PTPRG: variants seen among roughly 807,000 people sequenced by gnomAD.
PTPRG encodes the protein protein tyrosine phosphatase receptor type G, also known as receptor-type tyrosine-protein phosphatase gamma.
PTPRG carries 102 observed loss-of-function variants against 165.3 expected under a neutral mutation model. The observed-to-expected ratio is 0.62, with a 90% CI of 0.53 to 0.73. PTPRG has a LOEUF of 0.73. Among genes scored for constraint, PTPRG ranks in the 30% least tolerant of loss-of-function variants. PTPRG has a pLI of 0.00. For missense variants in PTPRG, 1,866 were observed against 1,861.4 expected (o/e 1.00, Z -0.05); for synonymous variants, 675 against 669.5 (o/e 1.01, Z -0.13).
At chr3:62,003,555 A>G in intron 4 of PTPRG, 58 bp downstream of exon 4, 1 of 1,593,712 alleles carries the variant, frequency 6.3e-7, no homozygotes, top group Non-Finnish European at 8.6e-7. Flanking sequence ...TGTTAATCAG[A>G]TGCTGTGCCC....
At chr3:61,676,288 T>C (rs1703213430) in intron 1 of PTPRG, among the ~76,000 whole-genome samples, 1 of 150,654 alleles carries the variant, frequency 6.6e-6, no homozygotes, top group Non-Finnish European at 1.5e-5. Flanking sequence ...AAACCCCGTC[T>C]CTACTAAAAA....
At chr3:61,633,214 T>G (rs1282390136) in intron 1 of PTPRG, among the ~76,000 whole-genome samples, 1 of 152,210 alleles carries the variant, frequency 6.6e-6, no homozygotes, top group Non-Finnish European at 1.5e-5. Flanking sequence ...TGTCTTGTAT[T>G]CCCAACTGGA....
At chr3:61,879,858 TC>T (rs2037837543) in intron 2 of PTPRG, among the ~76,000 whole-genome samples, 1 of 152,338 alleles carries the variant, frequency 6.6e-6, no homozygotes, top group Admixed American at 6.5e-5. Context: ...CTAGCTCAGC[TC>T]CGTATGGTGC....
chr3:61,801,741 C>G (rs2035250444), intron 2 of PTPRG, among the ~76,000 whole-genome samples: 1 of 152,162 alleles, frequency 6.6e-6, no homozygotes, highest in Non-Finnish European at 1.5e-5. Flanking sequence ...TTATGGTGGG[C>G]TGTTCACTGT....
Position 61,843,824 on chromosome 3 carries a change from T to TA in PTPRG, c.190+94853dup, listed in dbSNP as rs555463428. Among the ~76,000 whole-genome samples the TA allele has an allele frequency of 5.7e-3, 817 of 144,348 alleles. 7 individuals carry two copies. Among genetic ancestry groups the TA allele is most frequent in the Middle Eastern group, 0.014 (4 of 286 alleles). 94.7% of individuals were successfully genotyped at this position (144,348 alleles called of 152,430 possible). A position where few individuals can be genotyped will look rare whatever the true frequency, so the allele number is the denominator to read the frequency against. On this transcript the variant is annotated intron_variant, in intron 2 of 29. Coordinates refer to ENST00000474889, the MANE Select transcript of PTPRG (RefSeq NM_002841.4). ...AATCTCTTAAAACTGGACATTTCTT[T>TA]AAAAAAAAAAACAAAAAACCCAGTT...
chr3:62,273,831 A>C lies in PTPRG; in HGVS notation c.3452A>C (p.Glu1151Ala). 3 of 1,613,710 alleles carry C rather than the reference A, an allele frequency of 1.9e-6. No individual in the cohort carries two copies. The highest frequency in any genetic ancestry group is 2.5e-6 in the Non-Finnish European group (3 of 1,179,734). The part of the protein sequence containing the change: ...IPGVGGKTRL[E>A]KQFKLVTQCN... ...GGAGTAGGAGGAAAGACACGACTGGAAAAGCAATTCAAGGTAGTGCTTTGA... is the reference window on the plus strand; with the variant it reads ...GGAGTAGGAGGAAAGACACGACTGGCAAAGCAATTCAAGGTAGTGCTTTGA... The change falls in exon 23 of 30, where the codon GAA becomes GCA. Residue 1151 changes from glutamate (E) to alanine (A), a missense_variant. Physicochemically the swap from Glu to Ala is moderately radical, Grantham distance 107. Transcript: ENST00000474889. This position sits in a 1 kb window ranked among gnomAD's most constrained non-coding sequence, Gnocchi z 4.1.
At chr3:61,731,678 T>C (rs975182358) in intron 1 of PTPRG, among the ~76,000 whole-genome samples, 1 of 152,114 alleles carries the variant, frequency 6.6e-6, no homozygotes, top group African/African-American at 2.4e-5. Flanking sequence ...TATGCAGGGC[T>C]TTAAAGCCAC....
intron 2 of PTPRG, among the ~76,000 whole-genome samples, chr3:61,980,372 C>T (rs2040612138): frequency 6.6e-6 from 1 of 152,150 alleles, no homozygotes; most frequent in African/African-American, 2.4e-5. Flanking sequence ...GCTGTGTTAA[C>T]AGTAAAAATT....
chr3:61,983,678 G>A (rs1341523784), intron 2 of PTPRG, among the ~76,000 whole-genome samples: 3 of 152,074 alleles, frequency 2.0e-5, no homozygotes, highest in African/African-American at 7.2e-5. Flanking sequence ...ATAGGTATGT[G>A]AAATTCCTTG....
In PTPRG at chr3:62,267,783, C is replaced by T. The variant is rs767985325; in HGVS notation, c.2838C>T (p.Ile946=). 6.2e-7 allele frequency: 1 copy of T among 1,613,386 alleles called. No individual in the cohort carries two copies. Among genetic ancestry groups the T allele is most frequent in the Non-Finnish European group, 8.5e-7 (1 of 1,179,530 alleles). Reference sequence around the variant, plus strand: ...TGATTTGGGAACAAAACACTGGAATCATTGTGATGATTACGAACCTTGTGG... The same window carrying T: ...TGATTTGGGAACAAAACACTGGAATTATTGTGATGATTACGAACCTTGTGG... The part of the protein sequence containing the change: ...WRMIWEQNTG[I]IVMITNLVEK... Residue 946 remains isoleucine, a synonymous_variant, in exon 19 of 30, where the codon ATC becomes ATT. Coordinates refer to ENST00000474889, the MANE Select transcript of PTPRG (RefSeq NM_002841.4).
Position 61,743,114 on chromosome 3 carries a change from C to T in PTPRG, c.86-5764C>T, listed in dbSNP as rs113151706. 4.0e-3 allele frequency: 5,645 copies of T among 1,399,856 alleles called. 127 individuals carry two copies. In the African/African-American group the frequency reaches 0.054, roughly 13 times the overall value. 86.7% of individuals were successfully genotyped at this position (1,399,856 alleles called of 1,614,324 possible). ...CGAGAGACTGCTGCTCATGGCTTCT[C>T]ACGCCGCGCTAACCGGAAAAGAGCG... On this transcript the variant is annotated intron_variant, in intron 1 of 29. Transcript: ENST00000474889.
chr3:61,921,128 C>CTTCG (rs1553691455), intron 2 of PTPRG, among the ~76,000 whole-genome samples: 3 of 144,108 alleles, frequency 2.1e-5, no homozygotes, highest in South Asian at 2.3e-4. Context: ...TCCTTCCTTC[C>CTTCG]TTCCTTCCTT....
At chr3:61,813,749 A>T (rs1314373236) in intron 2 of PTPRG, among the ~76,000 whole-genome samples, 1 of 152,004 alleles carries the variant, frequency 6.6e-6, no homozygotes, top group East Asian at 1.9e-4. Flanking sequence ...GCCTATGATG[A>T]AGGGGCTGTT....
chr3:62,145,729 C>CTATAAATACAATCTATAAATACAA (rs1704096466), intron 6 of PTPRG, among the ~76,000 whole-genome samples: 1 of 152,164 alleles, frequency 6.6e-6, no homozygotes, highest in Admixed American at 6.5e-5. Context: ...TAAATACAAT[C>CTATAAATACAATCTATAAATACAA]TTATTGAATC....
At chr3:61,738,272 A>ATGTG (rs2032809501) in intron 1 of PTPRG, among the ~76,000 whole-genome samples, 1 of 64,302 alleles carries the variant, frequency 1.6e-5, no homozygotes. Context: ...ATATATATAT[A>ATGTG]TATATACATA....
chr3:61,607,867 G>A (rs1041695157), intron 1 of PTPRG, among the ~76,000 whole-genome samples: 1 of 152,168 alleles, frequency 6.6e-6, no homozygotes, highest in African/African-American at 2.4e-5. Flanking sequence ...AACTGGACGC[G>A]ACTTGCCTCT....
At chr3:62,259,816 T>C (rs1371297905) in intron 16 of PTPRG, among the ~76,000 whole-genome samples, 1 of 152,178 alleles carries the variant, frequency 6.6e-6, no homozygotes, top group Non-Finnish European at 1.5e-5. Flanking sequence ...AGAACAGGCA[T>C]TCTTACCAAG....
At chr3:62,270,571 T>C (rs1250396561) in intron 20 of PTPRG, among the ~76,000 whole-genome samples, 4 of 152,128 alleles carry the variant, frequency 2.6e-5, no homozygotes, top group African/African-American at 4.8e-5. Flanking sequence ...ATAGGAACTT[T>C]AGGTGTTTTA....
At position 61,868,059 on chromosome 3, in the gene PTPRG, C is replaced by G. The variant is rs192873646; in HGVS notation, c.190+119077C>G. Among the ~76,000 whole-genome samples, 14 of 152,214 alleles carry G rather than the reference C, an allele frequency of 9.2e-5. No individual in the cohort carries two copies. In the East Asian group the frequency reaches 2.5e-3, roughly 27 times the overall value. Reference sequence around the variant, plus strand: ...TGGTTCAGTCTGATACCTGTAGTCCCCTATTTTACATAAGCCCCTCCCCAC... The same window carrying G: ...TGGTTCAGTCTGATACCTGTAGTCCGCTATTTTACATAAGCCCCTCCCCAC... On this transcript the variant is annotated intron_variant, in intron 2 of 29. Transcript: ENST00000474889.
Sources: gnomAD v4.1 joint callset for allele counts (sites outside exome capture counted in the v4.1 genomes callset) on GRCh38, gnomAD v4.1.1 for gene constraint, Gnocchi (gnomAD v3.1) non-coding constraint, MANE v1.5 for transcripts, NCBI Gene and HGNC (gene_info 2026-07-23, HGNC 2026-07-21) for gene names.